DIS3L2: variants seen among roughly 807,000 people sequenced by gnomAD.
The protein encoded by DIS3L2 is DIS3-like exonuclease 2.
In DIS3L2, 34 loss-of-function variants were observed where a neutral mutation model predicts 97.5. That is an observed-to-expected ratio of 0.35 (90% CI 0.27 to 0.46). DIS3L2 has a LOEUF of 0.46. DIS3L2 is among the 20% of genes least tolerant of loss of function. The probability of loss-of-function intolerance (pLI) is 1.00; values close to 1 mark genes in which losing one functional copy is unlikely to be tolerated. For synonymous variants in DIS3L2, 435 were observed against 445.2 expected (o/e 0.98, Z 0.29); for missense variants, 1,038 against 1,146.0 (o/e 0.91, Z 1.36).
chr2:232,128,788 G>A (rs1364113445), intron 6 of DIS3L2, among the ~76,000 whole-genome samples: 1 of 152,110 alleles, frequency 6.6e-6, no homozygotes, highest in Non-Finnish European at 1.5e-5. Context: ...GCAAGACATG[G>A]TTGTTGGAAA....
chr2:232,091,321 C>G (rs1182569598), intron 6 of DIS3L2, among the ~76,000 whole-genome samples: 1 of 152,168 alleles, frequency 6.6e-6, no homozygotes, highest in Non-Finnish European at 1.5e-5. Context: ...CCTTCCCAGC[C>G]CCTGGTAATC....
chr2:232,166,198 G>A (rs1050458455), intron 9 of DIS3L2, among the ~76,000 whole-genome samples: 3 of 152,100 alleles, frequency 2.0e-5, no homozygotes, highest in African/African-American at 7.2e-5. Flanking sequence ...GTTTGAGGCT[G>A]CAGTGAGCTA....
At chr2:232,096,204 G>A (rs1208800561) in intron 6 of DIS3L2, among the ~76,000 whole-genome samples, 5 of 151,284 alleles carry the variant, frequency 3.3e-5, no homozygotes, top group South Asian at 4.2e-4. Flanking sequence ...CTCCTGCCTC[G>A]GCCTCCCGAG....
intron 5 of DIS3L2, among the ~76,000 whole-genome samples, chr2:232,066,915 G>A (rs896964541): frequency 5.3e-5 from 8 of 151,986 alleles, no homozygotes; most frequent in Non-Finnish European, 1.2e-4. Flanking sequence ...GACTGTATCG[G>A]CATAAAGCTG....
chr2:232,333,518 G>A (rs1695833589), intron 16 of DIS3L2, among the ~76,000 whole-genome samples: 2 of 152,156 alleles, frequency 1.3e-5, no homozygotes, highest in Non-Finnish European at 1.5e-5. Flanking sequence ...CTGGCTCCCT[G>A]GTCCTCAGCA....
intron 11 of DIS3L2, among the ~76,000 whole-genome samples, chr2:232,243,001 A>G (rs1277208583): frequency 1.3e-5 from 2 of 152,180 alleles, no homozygotes; most frequent in Admixed American, 1.3e-4. Flanking sequence ...GAAGCAGAGG[A>G]GGTGGACAGG....
intron 10 of DIS3L2, among the ~76,000 whole-genome samples, chr2:232,224,907 T>C (rs1559163314): frequency 6.6e-6 from 1 of 150,686 alleles, no homozygotes; most frequent in Non-Finnish European, 1.5e-5. Context: ...ATATTTGTAA[T>C]ACATATATCC....
intron 12 of DIS3L2, among the ~76,000 whole-genome samples, chr2:232,252,253 CA>C (rs1234052865): frequency 1.3e-5 from 2 of 152,176 alleles, no homozygotes; most frequent in East Asian, 3.9e-4. Context: ...ACTAAAAGTA[CA>C]AAAAATTAGC....
At position 232,218,420 on chromosome 2, in the gene DIS3L2, G is replaced by C. The variant is rs143116215; in HGVS notation, c.1204+8015G>C. On this transcript the variant is annotated intron_variant, in intron 10 of 20. Transcript: ENST00000325385. Reference sequence around the variant, plus strand: ...TTTTCTTCAGTAATTCTCAGCCTCCGAGGTGTGGGAACAGAGGTTGCAGTG... The same window carrying C: ...TTTTCTTCAGTAATTCTCAGCCTCCCAGGTGTGGGAACAGAGGTTGCAGTG... 2.6e-4 allele frequency among the ~76,000 whole-genome samples: 40 copies of C among 152,250 alleles called. No homozygotes were observed. In the East Asian group the frequency reaches 6.9e-3, roughly 26 times the overall value.
chr2:232,169,319 A>G (rs1690915401), intron 9 of DIS3L2, among the ~76,000 whole-genome samples: 1 of 152,162 alleles, frequency 6.6e-6, no homozygotes, highest in African/African-American at 2.4e-5. Flanking sequence ...TATATATAGT[A>G]TATGTCATAT....
At chr2:232,106,865 T>C (rs891117616) in intron 6 of DIS3L2, among the ~76,000 whole-genome samples, 5 of 152,190 alleles carry the variant, frequency 3.3e-5, no homozygotes, top group African/African-American at 1.2e-4. Context: ...AGTAAAACAC[T>C]CCTCAGCAAA....
At chr2:232,112,401 G>A (rs963465328) in intron 6 of DIS3L2, among the ~76,000 whole-genome samples, 4 of 152,172 alleles carry the variant, frequency 2.6e-5, no homozygotes, top group African/African-American at 9.6e-5. Context: ...GGAAAGAAAA[G>A]TGAATACAAA....
intron 10 of DIS3L2, among the ~76,000 whole-genome samples, chr2:232,232,662 A>G (rs1692826352): frequency 6.6e-6 from 1 of 152,188 alleles, no homozygotes; most frequent in Admixed American, 6.5e-5. Flanking sequence ...TGCTGCCAGT[A>G]GGGGCTTATG....
chr2:232,273,674 T>C lies in DIS3L2; in HGVS notation c.1659+10234T>C, dbSNP rs147440714. On this transcript the variant is annotated intron_variant, in intron 13 of 20. Coordinates refer to ENST00000325385, the MANE Select transcript of DIS3L2 (RefSeq NM_152383.5). ...GCCTGGCAGTGCTTCTGAGGCATCCTGAGCACTTCGGTGCTCACTTCTCAG... is the reference window on the plus strand; with the variant it reads ...GCCTGGCAGTGCTTCTGAGGCATCCCGAGCACTTCGGTGCTCACTTCTCAG... Among the ~76,000 whole-genome samples, 1,295 of 152,332 alleles carry C rather than the reference T, an allele frequency of 8.5e-3. 23 individuals carry two copies. Among genetic ancestry groups the C allele is most frequent in the Admixed American group, 0.049 (744 of 15,306 alleles).
At chr2:232,173,265 G>A (rs924980295) in intron 9 of DIS3L2, among the ~76,000 whole-genome samples, 1 of 152,214 alleles carries the variant, frequency 6.6e-6, no homozygotes, top group South Asian at 2.1e-4. Context: ...TTGAGATGGC[G>A]TCTCTGTTAT....
At chr2:232,082,041 T>C (rs1360940638) in intron 5 of DIS3L2, among the ~76,000 whole-genome samples, 3 of 152,152 alleles carry the variant, frequency 2.0e-5, no homozygotes, top group Admixed American at 1.3e-4. Context: ...CCGCCCACCT[T>C]GTCCTCCCAA....
At chr2:232,288,832 G>GAACTTTGCT (rs1340783821) in intron 13 of DIS3L2, among the ~76,000 whole-genome samples, 10 of 152,152 alleles carry the variant, frequency 6.6e-5, no homozygotes, top group Non-Finnish European at 1.5e-4. Flanking sequence ...ATATTTTGAA[G>GAACTTTGCT]AACTTTGCTT....
chr2:232,194,154 G>A (rs1000382005), intron 9 of DIS3L2, among the ~76,000 whole-genome samples: 1 of 151,778 alleles, frequency 6.6e-6, no homozygotes, highest in Middle Eastern at 3.2e-3. Flanking sequence ...GTAAATATTT[G>A]TTATCTCTAC....
intron 12 of DIS3L2, among the ~76,000 whole-genome samples, chr2:232,262,543 G>A (rs1371420859): frequency 6.6e-6 from 1 of 152,142 alleles, no homozygotes; most frequent in Non-Finnish European, 1.5e-5. Flanking sequence ...AACTTGGTAG[G>A]GAGAGGTGCT....
Sources: gnomAD v4.1 joint callset for allele counts (sites outside exome capture counted in the v4.1 genomes callset) on GRCh38, gnomAD v4.1.1 for gene constraint, MANE v1.5 for transcripts, NCBI Gene and HGNC (gene_info 2026-07-23, HGNC 2026-07-21) for gene names.